The following TBC1D32 variants were observed in gnomAD, a reference collection of about 807,000 sequenced individuals.
TBC1D32 encodes the protein protein broad-minded.
In TBC1D32, 151 loss-of-function variants were observed where a neutral mutation model predicts 170.3. The observed-to-expected ratio is 0.89, with a 90% CI of 0.78 to 1.01. The LOEUF (loss-of-function observed/expected upper bound fraction) is 1.01, where lower values mean the gene tolerates loss of function less well. Ranked by LOEUF, TBC1D32 falls within the 50% of genes least tolerant of loss-of-function variation. The pLI is 0.00. For missense variants in TBC1D32, 1,464 were observed against 1,457.1 expected, an observed-to-expected ratio of 1.00 and a Z score of -0.08; for synonymous variants, 498 against 488.0, an observed-to-expected ratio of 1.02 and a Z score of -0.27.
At chr6:121,209,245 C>T (rs185758546) in intron 21 of TBC1D32, among the ~76,000 whole-genome samples, 16 of 152,086 alleles carry the variant, frequency 1.1e-4, no homozygotes, top group African/African-American at 3.9e-4. Context: ...ACCTGTGAAA[C>T]CATAACCACA....
At chr6:121,103,085 C>T (rs1333116731) in intron 30 of TBC1D32, among the ~76,000 whole-genome samples, 6 of 152,122 alleles carry the variant, frequency 3.9e-5, no homozygotes, top group Non-Finnish European at 7.4e-5. Flanking sequence ...CAAGAAACAA[C>T]AGGTGCTGGA....
chr6:121,190,766 G>A (rs1172509736), intron 22 of TBC1D32, among the ~76,000 whole-genome samples: 1 of 152,034 alleles, frequency 6.6e-6, no homozygotes, highest in African/African-American at 2.4e-5. Context: ...TTAATGTGTG[G>A]AGGCAGGCGT....
chr6:121,096,778 G>C (rs925121348), intron 30 of TBC1D32, among the ~76,000 whole-genome samples: 4 of 152,004 alleles, frequency 2.6e-5, no homozygotes, highest in African/African-American at 9.7e-5. Flanking sequence ...GAGGCATCAC[G>C]CTACCTGACT....
At chr6:121,119,443 T>G (rs1780033444) in intron 26 of TBC1D32, among the ~76,000 whole-genome samples, 1 of 152,092 alleles carries the variant, frequency 6.6e-6, no homozygotes, top group South Asian at 2.1e-4. Context: ...AATATTTAAT[T>G]AAATTTAAAA....
chr6:121,297,410 G>A (rs1190217697), intron 10 of TBC1D32, among the ~76,000 whole-genome samples: 2 of 152,026 alleles, frequency 1.3e-5, no homozygotes, highest in Non-Finnish European at 2.9e-5. Context: ...AAATAACCAA[G>A]CCGTCAAGTC....
chr6:121,272,819 C>G (rs1009689790), intron 15 of TBC1D32, among the ~76,000 whole-genome samples: 1 of 152,122 alleles, frequency 6.6e-6, no homozygotes, highest in African/African-American at 2.4e-5. Flanking sequence ...CGTATGTTTA[C>G]TGCAGTACTA....
At position 121,258,401 on chromosome 6, in the gene TBC1D32, G is replaced by A. The variant is rs1799320207; in HGVS notation, c.1734-2116C>T. On this transcript the variant is annotated intron_variant, in intron 15 of 31. Transcript: ENST00000398212. ...TTTAAACTTACTAATCCCTTTGTTT[G>A]CAGCTTTTAAATACTGTGGCTTCAC... is the stretch of plus-strand genomic sequence containing the variant. Among the ~76,000 whole-genome samples the A allele has an allele frequency of 3.3e-5, 5 of 151,556 alleles. No homozygotes were observed. The Middle Eastern group carries it at 0.014, about 427-fold the overall frequency.
Position 121,126,105 on chromosome 6 carries a change from T to C in TBC1D32, c.2983+273A>G, listed in dbSNP as rs555396965. 4.6e-5 allele frequency among the ~76,000 whole-genome samples: 7 copies of C among 152,244 alleles called. No homozygotes were observed. In the East Asian group the frequency reaches 1.4e-3, roughly 29 times the overall value. ...GAGGAGACCACTAGGGAATAAATGA[T>C]AGAATCAGAAGAATAGAAGACATTG... is the stretch of plus-strand genomic sequence containing the variant. On this transcript the variant is annotated intron_variant, in intron 26 of 31. Coordinates refer to ENST00000398212, the MANE Select transcript of TBC1D32 (RefSeq NM_152730.6).
At chr6:121,304,703 T>G in intron 6 of TBC1D32, 52 bp downstream of exon 6, 2 of 1,526,362 alleles carry the variant, frequency 1.3e-6, no homozygotes, top group Non-Finnish European at 1.8e-6. Flanking sequence ...CTATCCATTC[T>G]TAAGTACATG....
At chr6:121,131,815 T>C in intron 24 of TBC1D32, 63 bp from the exon 25 acceptor site, 2 of 1,329,734 alleles carry the variant, frequency 1.5e-6, no homozygotes, top group Non-Finnish European at 2.1e-6. Context: ...AAATTATTAA[T>C]GTTAACTATG....
rs150038060 is a variant in TBC1D32 at position 121,098,192 on chromosome 6, GAATAATAATAAT to G, written c.3466-7163_3466-7152del. ...CACATGTATCCCAGAACTTAAAGTA[GAATAATAATAAT>G]AATAATAATAATAATAAAACATTAA... On this transcript the variant is annotated intron_variant, in intron 30 of 31. Coordinates refer to ENST00000398212, the MANE Select transcript of TBC1D32 (RefSeq NM_152730.6). Among the ~76,000 whole-genome samples, 1,449 of 148,892 alleles carry G rather than the reference GAATAATAATAAT, an allele frequency of 9.7e-3. 15 individuals are homozygous for G. The highest frequency in any genetic ancestry group is 0.016 in the Non-Finnish European group (1,085 of 67,116).
chr6:121,305,903 CAATTTT>C (rs1459159094), intron 5 of TBC1D32, among the ~76,000 whole-genome samples: 1 of 152,012 alleles, frequency 6.6e-6, no homozygotes, highest in East Asian at 1.9e-4. Flanking sequence ...TAATTGCTTC[CAATTTT>C]ATTAGCGTAA....
At chr6:121,323,672 T>C (rs986990799) in intron 1 of TBC1D32, among the ~76,000 whole-genome samples, 1 of 152,234 alleles carries the variant, frequency 6.6e-6, no homozygotes, top group African/African-American at 2.4e-5. Context: ...CCGGGTGCAG[T>C]GACTCACGCC....
chr6:121,123,607 T>C (rs1780516183), intron 26 of TBC1D32, among the ~76,000 whole-genome samples: 1 of 152,074 alleles, frequency 6.6e-6, no homozygotes, highest in African/African-American at 2.4e-5. Context: ...CATTACTTCA[T>C]TTTCAGTCTA....
intron 12 of TBC1D32, among the ~76,000 whole-genome samples, chr6:121,286,981 C>T (rs1803957760): frequency 6.6e-6 from 1 of 152,048 alleles, no homozygotes; most frequent in African/African-American, 2.4e-5. Context: ...CAGGCCTGCC[C>T]TAAAAGAGCT....
intron 24 of TBC1D32, among the ~76,000 whole-genome samples, chr6:121,137,031 T>C (rs1782171677): frequency 6.6e-6 from 1 of 152,100 alleles, no homozygotes; most frequent in Admixed American, 6.6e-5. Context: ...GACTATATTA[T>C]GGTAAAGTGT....
chr6:121,148,483 T>A (rs1441526394), intron 24 of TBC1D32, among the ~76,000 whole-genome samples: 4 of 151,756 alleles, frequency 2.6e-5, no homozygotes, highest in African/African-American at 9.8e-5. Context: ...TCACTTAAAA[T>A]CCTCTGGGTA....
intron 22 of TBC1D32, among the ~76,000 whole-genome samples, chr6:121,202,775 C>A (rs900707306): frequency 6.6e-6 from 1 of 151,120 alleles, no homozygotes; most frequent in Non-Finnish European, 1.5e-5. Context: ...ATCAAAGGAG[C>A]ACCCTTCTTG....
intron 31 of TBC1D32, among the ~76,000 whole-genome samples, chr6:121,085,371 G>GTATATATA (rs10682133): frequency 7.1e-6 from 1 of 140,144 alleles, no homozygotes; most frequent in Admixed American, 7.1e-5. Flanking sequence ...ATATATATAT[G>GTATATATA]TGTATATATA....
Sources: gnomAD v4.1 joint callset for allele counts (sites outside exome capture counted in the v4.1 genomes callset) on GRCh38, gnomAD v4.1.1 for gene constraint, MANE v1.5 for transcripts, NCBI Gene and HGNC (gene_info 2026-07-23, HGNC 2026-07-21) for gene names.